Variants in STAG3 observed in about 807,000 individuals in gnomAD.
STAG3 encodes STAG3 cohesin complex component, also known as cohesin subunit SA-3.
A neutral mutation model predicts 160.7 loss-of-function variants in STAG3; 101 were observed. The ratio of observed to expected loss-of-function variants is 0.63; its 90% CI spans 0.54 to 0.74. STAG3 has a LOEUF of 0.74. Ranked by LOEUF, STAG3 falls within the 30% of genes least tolerant of loss-of-function variation. The pLI is 0.00. For missense variants in STAG3, 1,188 were observed against 1,517.4 expected, an observed-to-expected ratio of 0.78 and a Z score of 3.61; for synonymous variants, 519 against 585.0, an observed-to-expected ratio of 0.89 and a Z score of 1.63.
rs977448550 is a variant in STAG3, at chr7:100,202,032, C to A, written c.2385C>A (p.Ile795=). The part of the protein sequence containing the change: ...QSCLSDVDTE[I]QEQAFVLLSD... ...GCCTCTCAGATGTGGATACTGAGATCCAGGAGCAGGTGAGTACTGACTCAA... is the reference window on the plus strand; with the variant it reads ...GCCTCTCAGATGTGGATACTGAGATACAGGAGCAGGTGAGTACTGACTCAA... Residue 795 remains isoleucine (I), a synonymous_variant, in exon 23 of 34, where the codon ATC becomes ATA. Coordinates refer to ENST00000615138, the MANE Select transcript of STAG3 (RefSeq NM_001282717.2). The A allele has an allele frequency of 1.2e-6, 2 of 1,614,012 alleles. No homozygotes were observed. Among genetic ancestry groups the A allele is most frequent in the Admixed American group, 1.7e-5 (1 of 59,986 alleles).
At chr7:100,180,941 G>A (rs1223025083) in intron 2 of STAG3, 1 of 275,044 alleles carries the variant, frequency 3.6e-6, no homozygotes, top group Non-Finnish European at 7.0e-6. Context: ...GTGCAGTGGC[G>A]CGATCTCGGC....
intron 11 of STAG3, 91 bp from the exon 12 acceptor site, chr7:100,197,996 A>G (rs1306569088): frequency 6.6e-7 from 1 of 1,520,102 alleles, no homozygotes; most frequent in Non-Finnish European, 9.1e-7. Context: ...GCCTCTACGT[A>G]GGCACTCTCT....
chr7:100,190,918 T>C (rs999351199), intron 8 of STAG3, among the ~76,000 whole-genome samples: 4 of 152,236 alleles, frequency 2.6e-5, no homozygotes, highest in African/African-American at 9.6e-5. Context: ...CTATTTTTGC[T>C]ATTTTAGTGT....
At chr7:100,184,333 G>A (rs58208098) in intron 4 of STAG3, among the ~76,000 whole-genome samples, 3 of 151,140 alleles carry the variant, frequency 2.0e-5, no homozygotes, top group Admixed American at 2.0e-4. Flanking sequence ...TGGTACATTC[G>A]TTTTATCTTT....
At position 100,180,671 on chromosome 7, in the gene STAG3, G is replaced by A; in HGVS notation, c.115G>A (p.Gly39Arg). Reference sequence around the variant, plus strand: ...CAGGGACTCAAACCATACCTCAGAGGGGTAAGTAGATGTTGCATTGTGTGG... The same window carrying A: ...CAGGGACTCAAACCATACCTCAGAGAGGTAAGTAGATGTTGCATTGTGTGG... ...DDRDSNHTSE[G>R]NGDSLLADED... Residue 39 changes from glycine (G) to arginine (R), a missense_variant and splice_region_variant, in exon 2 of 34, where the codon GGG becomes AGG. Around this residue, in one of 4 missense-constraint regions of STAG3, gnomAD observed 296 missense variants for 404.0 expected, o/e 0.73. Coordinates refer to ENST00000615138, the MANE Select transcript of STAG3 (RefSeq NM_001282717.2). 9.5e-6 allele frequency: 15 copies of A among 1,578,530 alleles called. No individual in the cohort carries two copies. Among genetic ancestry groups the A allele is most frequent in the Non-Finnish European group, 1.3e-5 (15 of 1,147,320 alleles).
At chr7:100,204,301 G>A (rs1442416535) in intron 26 of STAG3, among the ~76,000 whole-genome samples, 179 bp downstream of exon 26, 2 of 151,682 alleles carry the variant, frequency 1.3e-5, no homozygotes, top group African/African-American at 4.8e-5. Context: ...TTTTTTAACT[G>A]ACTGGGCAAC....
At position 100,205,238 on chromosome 7, in the gene STAG3, T is replaced by C. The variant is rs1270977983; in HGVS notation, c.3092T>C (p.Leu1031Pro). 2 of 1,613,896 alleles carry C rather than the reference T, an allele frequency of 1.2e-6. No homozygotes were observed. The change falls in exon 29 of 34, where the codon CTA becomes CCA. Residue 1031 changes from leucine (L) to proline (P), a missense_variant. This residue lies in a region of STAG3 where 647 missense variants were observed against 717.2 expected (regional missense o/e 0.90). Transcript: ENST00000615138. ...HQDKQLLLSY[L>P]EKCLQHVSQA... is the part of the protein sequence containing the mutation. ...TACCTCTTTCATAGACTGTCCTATC[T>C]AGAAAAGTGCCTGCAGCATGTCTCC...
Position 100,199,452 on chromosome 7 carries a change from G to A in STAG3, c.1573+85G>A, listed in dbSNP as rs866637489. 7.4e-5 allele frequency: 115 copies of A among 1,554,490 alleles called. No individual in the cohort carries two copies. The Middle Eastern group carries it at 2.5e-3, about 33-fold the overall frequency. Reference sequence around the variant, plus strand: ...GGATTGCTTGCTTCACTTGTACAAGGCAGCAACGGTGGCATCGGGTGGGGG... The same window carrying A: ...GGATTGCTTGCTTCACTTGTACAAGACAGCAACGGTGGCATCGGGTGGGGG... On this transcript the variant is annotated intron_variant, in intron 15 of 33. Transcript: ENST00000615138.
In STAG3 at chr7:100,205,228, C is replaced by T. The variant is rs1293111258; in HGVS notation, c.3082C>T (p.Leu1028=). 3 of 1,613,870 alleles carry T rather than the reference C, an allele frequency of 1.9e-6. No individual in the cohort carries two copies. The highest frequency in any genetic ancestry group is 4.5e-5 in the East Asian group (2 of 44,876). The change falls in exon 29 of 34, where the codon CTG becomes TTG. Residue 1028 remains leucine, a splice_region_variant and synonymous_variant. Coordinates refer to ENST00000615138, the MANE Select transcript of STAG3 (RefSeq NM_001282717.2). ...RLFHQDKQLL[L]SYLEKCLQHV... ...CTTTTGGTTCTACCTCTTTCATAGA[C>T]TGTCCTATCTAGAAAAGTGCCTGCA...
At chr7:100,213,406 C>T (rs1172152029) in intron 32 of STAG3, 2 of 985,330 alleles carry the variant, frequency 2.0e-6, no homozygotes, top group Admixed American at 1.2e-4. Flanking sequence ...GTCTTGTGCT[C>T]AGAAGGAGAA....
chr7:100,184,355 T>C (rs1214081197), intron 4 of STAG3, among the ~76,000 whole-genome samples: 3 of 152,128 alleles, frequency 2.0e-5, no homozygotes, highest in Non-Finnish European at 4.4e-5. Flanking sequence ...CTGTTTCTTT[T>C]TCCACCTTTG....
In STAG3 at chr7:100,200,526, C is replaced by G. The variant is rs1801033939; in HGVS notation, c.1844C>G (p.Thr615Ser). 3 of 1,614,074 alleles carry G rather than the reference C, an allele frequency of 1.9e-6. No individual in the cohort carries two copies. The East Asian group carries it at 6.7e-5, about 36-fold the overall frequency. The stretch of plus-strand genomic sequence containing the variant: ...TGCTTTGACCTCCACATCTACTGCA[C>G]TGGGCGCTTGGAGAAGGTAGGGAGA... ...LSCFDLHIYCTGRLEKHLELF... is the reference protein window; with the variant it reads ...LSCFDLHIYCSGRLEKHLELF... Residue 615 changes from threonine (T) to serine (S), a missense_variant, in exon 18 of 34, where the codon ACT becomes AGT. Thr to Ser is a moderately conservative substitution (Grantham distance 58). Transcript: ENST00000615138.
chr7:100,192,122 C>A (rs1005621417), intron 8 of STAG3, among the ~76,000 whole-genome samples: 1 of 152,234 alleles, frequency 6.6e-6, no homozygotes, highest in Non-Finnish European at 1.5e-5. Flanking sequence ...CTACTGAAGT[C>A]TTAAACCTCT....
Position 100,189,582 on chromosome 7 carries a change from G to A in STAG3, c.853G>A (p.Glu285Lys). Reference sequence around the variant, plus strand: ...ACCTGAGCGGCTGGAGAGCCTGTTGGAGAAACGCAAAGAGGTGAGGAGTGT... The same window carrying A: ...ACCTGAGCGGCTGGAGAGCCTGTTGAAGAAACGCAAAGAGGTGAGGAGTGT... ...RAPERLESLL[E>K]KRKELQEHQE... Residue 285 changes from glutamate (E) to lysine (K), a missense_variant, in exon 8 of 34, where the codon GAG (glutamate) becomes AAG (lysine). By Grantham distance (56) the Glu-to-Lys change is moderately conservative. Transcript: ENST00000615138. 1 of 1,613,550 alleles carries A rather than the reference G, an allele frequency of 6.2e-7. No homozygotes were observed.
chr7:100,183,330 T>G (rs1421712594), intron 4 of STAG3, among the ~76,000 whole-genome samples: 2 of 152,184 alleles, frequency 1.3e-5, no homozygotes, highest in Non-Finnish European at 2.9e-5. Context: ...GAGCATGTTC[T>G]TTTCTTAAAG....
downstream of STAG3, among the ~76,000 whole-genome samples, chr7:100,214,764 A>G (rs2117614866): frequency 6.6e-6 from 1 of 152,306 alleles, no homozygotes; most frequent in Admixed American, 6.5e-5. Context: ...GATACCTGTC[A>G]TAATTTGGAA....
rs1243111333 is a variant in STAG3, at chr7:100,195,201, T to C, written c.868-108T>C. ...CATAGGATTACGGGGGTTCACACTA[T>C]CCTATAATAAACAGGAAGTAGGTGG... On this transcript the variant is annotated intron_variant, in intron 8 of 33. Coordinates refer to ENST00000615138, the MANE Select transcript of STAG3 (RefSeq NM_001282717.2). 3 of 945,726 alleles carry C rather than the reference T, an allele frequency of 3.2e-6. No individual in the cohort carries two copies. In the African/African-American group the frequency reaches 4.8e-5, roughly 15 times the overall value. 58.6% of individuals were successfully genotyped at this position (945,726 alleles called of 1,614,324 possible).
In STAG3 at chr7:100,204,034, A is replaced by G. The variant is rs968467310; in HGVS notation, c.2714A>G (p.Tyr905Cys). ...FKHYNKFYNDYGDIIKETLTR... is the reference protein window; with the variant it reads ...FKHYNKFYNDCGDIIKETLTR... ...CTTTCCCCTCAGTTCTACAATGACT[A>G]TGGTGACATTATCAAGGAAACATTA... Residue 905 changes from tyrosine (Y) to cysteine (C), a missense_variant, in exon 26 of 34, where the codon TAT (tyrosine) becomes TGT (cysteine). By Grantham distance (194) the Tyr-to-Cys change is radical. Coordinates refer to ENST00000615138, the MANE Select transcript of STAG3 (RefSeq NM_001282717.2). 4 of 1,612,924 alleles carry G rather than the reference A, an allele frequency of 2.5e-6. No individual in the cohort carries two copies. Among genetic ancestry groups the G allele is most frequent in the South Asian group, 1.1e-5 (1 of 91,042 alleles).
At chr7:100,216,118 G>C (rs570759134), downstream of STAG3, among the ~76,000 whole-genome samples, 8 of 152,258 alleles carry the variant, frequency 5.3e-5, no homozygotes, top group East Asian at 5.8e-4. Flanking sequence ...GAGGTCCAGG[G>C]ATCAGGGAGC....
Sources: gnomAD v4.1 joint callset for allele counts (sites outside exome capture counted in the v4.1 genomes callset) on GRCh38, gnomAD v4.1.1 for gene constraint, gnomAD v4.1.1 regional missense constraint, MANE v1.5 for transcripts, NCBI Gene and HGNC (gene_info 2026-07-23, HGNC 2026-07-21) for gene names.